The following BANP variants were observed in gnomAD, a reference collection of about 807,000 sequenced individuals.
BANP encodes protein BANP.
In BANP, 11 loss-of-function variants were observed where a neutral mutation model predicts 68.1. The ratio of observed to expected loss-of-function variants is 0.16; its 90% confidence interval spans 0.10 to 0.27. BANP has a LOEUF of 0.27. BANP is among the 10% of genes least tolerant of loss of function. The pLI, the probability that BANP is intolerant of heterozygous loss-of-function variation, is 1.00. For synonymous variants in BANP, 329 were observed against 303.2 expected (o/e 1.09, Z -0.88); for missense variants, 504 against 722.7 (o/e 0.70, Z 3.47).
At position 88,022,194 on chromosome 16, in the gene BANP, T is replaced by G. The variant is rs536013624; in HGVS notation, c.895+3527T>G. 3.9e-5 allele frequency among the ~76,000 whole-genome samples: 6 copies of G among 152,358 alleles called. No individual in the cohort carries two copies. The South Asian group carries it at 1.0e-3, about 26-fold the overall frequency. ...CAGCAGCATTCGCCTGTTTTCTCTATGAAGAGAAATTGGTTTAGTTCTTAG... is the reference window on the plus strand; with the variant it reads ...CAGCAGCATTCGCCTGTTTTCTCTAGGAAGAGAAATTGGTTTAGTTCTTAG... On this transcript the variant is annotated intron_variant, in intron 7 of 13. Coordinates refer to ENST00000682872, the MANE Select transcript of BANP (RefSeq NM_001386991.1).
In BANP at chr16:88,076,698, C is replaced by T. The variant is rs1399780839; in HGVS notation, c.*37C>T. 5 of 1,571,572 alleles carry T rather than the reference C, an allele frequency of 3.2e-6. No individual in the cohort carries two copies. The highest frequency in any genetic ancestry group is 1.7e-5 in the Admixed American group (1 of 58,096). ...GGCACCAGGAGCCCCTCGCCGGCTC[C>T]GCCTACGGCCCGGCCCCCACGCGCC... On this transcript the variant is annotated 3_prime_UTR_variant, in exon 14 of 14. Transcript: ENST00000682872.
chr16:88,059,825 A>G (rs575062391), intron 11 of BANP, among the ~76,000 whole-genome samples: 12 of 152,342 alleles, frequency 7.9e-5, no homozygotes, highest in African/African-American at 2.6e-4. Context: ...CCGCATGGTC[A>G]TGGACATCCC....
At chr16:87,986,601 G>C (rs2064491632) in intron 4 of BANP, among the ~76,000 whole-genome samples, 1 of 152,166 alleles carries the variant, frequency 6.6e-6, no homozygotes, top group Non-Finnish European at 1.5e-5. Context: ...AGCTCCTCTG[G>C]GGCTGCTTTG....
intron 2 of BANP, among the ~76,000 whole-genome samples, chr16:87,979,577 G>A (rs1305100008): frequency 6.6e-6 from 1 of 152,182 alleles, no homozygotes; most frequent in Non-Finnish European, 1.5e-5. Context: ...AGCGGGGCAG[G>A]TGTCATCTGG....
intron 12 of BANP, among the ~76,000 whole-genome samples, chr16:88,069,705 C>G (rs886778616): frequency 1.4e-4 from 21 of 152,230 alleles, no homozygotes; most frequent in Non-Finnish European, 5.9e-5. Flanking sequence ...TTTGTCAGCA[C>G]TCTGATGTCA....
At chr16:88,032,078 T>C (rs1306161064) in intron 8 of BANP, among the ~76,000 whole-genome samples, 3 of 152,144 alleles carry the variant, frequency 2.0e-5, no homozygotes, top group Non-Finnish European at 4.4e-5. Context: ...GTGCTGGGAT[T>C]ACAGGCGTGA....
chr16:88,072,320 AGGGCACGTGATT>A lies in BANP; in HGVS notation c.1521+111_1521+122del, dbSNP rs1360877857. 2.3e-6 allele frequency: 3 copies of A among 1,314,290 alleles called. No homozygotes were observed. In the African/African-American group the frequency reaches 4.4e-5, roughly 19 times the overall value. The allele number at this position is 1,314,290 out of a possible 1,614,324, so 81.4% of individuals were successfully genotyped here. ...CTTTCTCGTGACTCTTCCTGTGCAG[AGGGCACGTGATT>A]GGACACAGATGCCCATCTGAGGGTT... On this transcript the variant is annotated intron_variant, in intron 13 of 13. Transcript: ENST00000682872.
intron 6 of BANP, among the ~76,000 whole-genome samples, chr16:88,014,827 C>A (rs1401480645): frequency 6.6e-6 from 1 of 152,038 alleles, no homozygotes. Flanking sequence ...TCCAGAGATG[C>A]TTGGTGTCGC....
intron 4 of BANP, among the ~76,000 whole-genome samples, chr16:87,992,911 C>T (rs192744274): frequency 5.8e-4 from 88 of 152,296 alleles, no homozygotes; most frequent in Non-Finnish European, 1.1e-3. Flanking sequence ...CCTCATGGTA[C>T]CCACTGTATG....
chr16:88,029,471 C>A (rs1253725662), intron 8 of BANP, among the ~76,000 whole-genome samples: 1 of 150,704 alleles, frequency 6.6e-6, no homozygotes, highest in Non-Finnish European at 1.5e-5. Context: ...ATTAGCCGGG[C>A]GTGGTGGCTG....
Position 88,002,950 on chromosome 16 carries a change from C to T in BANP, c.363-1345C>T, listed in dbSNP as rs987721887. Among the ~76,000 whole-genome samples, 2 of 152,054 alleles carry T rather than the reference C, an allele frequency of 1.3e-5. No individual in the cohort carries two copies. The highest frequency in any genetic ancestry group is 4.8e-5 in the African/African-American group (2 of 41,412). ...CTAGGATCCCGGGGACACCAGCCTT[C>T]CCACATGCTGTGAGCCTAGGATCCC... is the stretch of plus-strand genomic sequence containing the variant. On this transcript the variant is annotated intron_variant, in intron 4 of 13. Coordinates refer to ENST00000682872, the MANE Select transcript of BANP (RefSeq NM_001386991.1). This position sits in a 1 kb window ranked among gnomAD's most constrained non-coding sequence, Gnocchi z 4.6.
intron 6 of BANP, among the ~76,000 whole-genome samples, chr16:88,016,443 G>A (rs891696162): frequency 3.9e-5 from 6 of 152,118 alleles, no homozygotes; most frequent in Admixed American, 2.0e-4. Context: ...TGGCTCACAC[G>A]TCCCCTCTGT....
chr16:87,966,623 G>C (rs1159624947), intron 1 of BANP: 2 of 152,188 alleles, frequency 1.3e-5, no homozygotes, highest in Non-Finnish European at 2.9e-5. Flanking sequence ...AGGATTTTAT[G>C]GTGAGTTCAG....
intron 6 of BANP, among the ~76,000 whole-genome samples, chr16:88,012,672 C>A (rs2073477168): frequency 6.6e-6 from 1 of 152,176 alleles, no homozygotes; most frequent in Admixed American, 6.5e-5. Context: ...AGCTACATTT[C>A]CCAGGACATT....
intron 1 of BANP, among the ~76,000 whole-genome samples, chr16:87,962,188 C>T (rs1238417014): frequency 1.5e-5 from 2 of 136,654 alleles, no homozygotes; most frequent in Admixed American, 8.5e-5. Flanking sequence ...TGCAGTGAGC[C>T]GAGATCATGC....
chr16:88,044,455 T>G (rs1387038186), intron 11 of BANP, among the ~76,000 whole-genome samples: 1 of 152,282 alleles, frequency 6.6e-6, no homozygotes, highest in Non-Finnish European at 1.5e-5. Flanking sequence ...CTGATTGCAC[T>G]AATATTTTTT....
At chr16:87,970,963 G>A (rs1001163133) in intron 1 of BANP, among the ~76,000 whole-genome samples, 4 of 150,388 alleles carry the variant, frequency 2.7e-5, no homozygotes, top group Admixed American at 2.0e-4. Context: ...GTTTCAGTGA[G>A]CCGAGATCCT....
chr16:88,046,671 G>T lies in BANP; in HGVS notation c.1311+8660G>T, dbSNP rs540155782. ...GGCGATTCTCCTGCCTCAGCCTCCT[G>T]AGTCGCTGGGATTATATAGGCACCC... On this transcript the variant is annotated intron_variant, in intron 11 of 13. Coordinates refer to ENST00000682872, the MANE Select transcript of BANP (RefSeq NM_001386991.1). 1.4e-3 allele frequency among the ~76,000 whole-genome samples: 213 copies of T among 152,032 alleles called. 2 individuals are homozygous for T. Among genetic ancestry groups the T allele is most frequent in the Admixed American group, 4.5e-3 (68 of 15,280 alleles).
intron 11 of BANP, among the ~76,000 whole-genome samples, chr16:88,058,150 C>G (rs1355951883): frequency 1.3e-5 from 2 of 152,120 alleles, no homozygotes; most frequent in African/African-American, 4.8e-5. Context: ...TGTGCCCGTG[C>G]CTGGTTAAAA....
Sources: allele counts gnomAD v4.1 joint callset (sites outside exome capture counted in the v4.1 genomes callset), GRCh38; gene constraint gnomAD v4.1.1; non-coding constraint Gnocchi (gnomAD v3.1); transcripts MANE v1.5; gene names NCBI Gene and HGNC (gene_info 2026-07-23, HGNC 2026-07-21).